SNX29: variants seen among roughly 807,000 people sequenced by gnomAD.
SNX29 encodes the protein sorting nexin 29.
SNX29 carries 78 observed loss-of-function variants against 102.1 expected under a neutral mutation model. The observed-to-expected ratio is 0.76, with a 90% confidence interval of 0.64 to 0.92. SNX29 has a LOEUF of 0.92. Ranked by LOEUF, SNX29 falls within the 40% of genes least tolerant of loss-of-function variation. The pLI is 0.00. For synonymous variants in SNX29, 580 were observed against 414.5 expected (o/e 1.40, Z -4.85); for missense variants, 1,280 against 1,061.7 (o/e 1.21, Z -2.86).
chr16:12,557,344 G>C (rs1039478023), intron 20 of SNX29: 3 of 148,630 alleles, frequency 2.0e-5, no homozygotes, highest in African/African-American at 7.3e-5. Flanking sequence ...AAGAACCTCA[G>C]AAGAGGGTGG....
intron 14 of SNX29, among the ~76,000 whole-genome samples, chr16:12,202,613 G>T (rs146242768): frequency 1.3e-5 from 2 of 152,188 alleles, no homozygotes; most frequent in Non-Finnish European, 2.9e-5. Context: ...AATGGCGTTG[G>T]ACACCCTTTC....
At chr16:12,146,239 GGGATCT>G in intron 13 of SNX29, among the ~76,000 whole-genome samples, 1 of 151,970 alleles carries the variant, frequency 6.6e-6, no homozygotes, top group Non-Finnish European at 1.5e-5. Context: ...TTCCCCAAGT[GGGATCT>G]CAGGGCAAAG....
intron 3 of SNX29, among the ~76,000 whole-genome samples, chr16:12,009,610 A>G (rs944679746): frequency 1.3e-5 from 2 of 151,960 alleles, no homozygotes; most frequent in African/African-American, 4.8e-5. Context: ...CTTCAGATGG[A>G]GTCCTGAGAA....
At chr16:12,359,355 G>T (rs1033668491) in intron 16 of SNX29, among the ~76,000 whole-genome samples, 1 of 152,174 alleles carries the variant, frequency 6.6e-6, no homozygotes, top group African/African-American at 2.4e-5. Context: ...CTTTTTGCAT[G>T]AGATGGGTTT....
chr16:12,036,873 T>G (rs764554914), intron 4 of SNX29, among the ~76,000 whole-genome samples: 1 of 152,020 alleles, frequency 6.6e-6, no homozygotes, highest in Non-Finnish European at 1.5e-5. Context: ...TTAGATTGAT[T>G]TAAGAAAAAA....
intron 20 of SNX29, among the ~76,000 whole-genome samples, chr16:12,562,705 G>T (rs992921734): frequency 3.3e-5 from 5 of 152,188 alleles, no homozygotes; most frequent in African/African-American, 1.2e-4. Context: ...AGTCGAGATT[G>T]AAGCCTACCG....
At chr16:12,452,471 G>A (rs1597428803) in intron 18 of SNX29, among the ~76,000 whole-genome samples, 1 of 99,132 alleles carries the variant, frequency 1.0e-5, no homozygotes, top group Admixed American at 1.0e-4. Flanking sequence ...GATGCCCACC[G>A]CTGAGTACAC....
At chr16:12,230,376 A>G (rs1203536002) in intron 14 of SNX29, among the ~76,000 whole-genome samples, 1 of 152,182 alleles carries the variant, frequency 6.6e-6, no homozygotes, top group Admixed American at 6.5e-5. Flanking sequence ...TTCATTAGCA[A>G]CCCATCTGCT....
At chr16:12,394,441 T>A (rs1009004868) in intron 16 of SNX29, among the ~76,000 whole-genome samples, 1 of 152,226 alleles carries the variant, frequency 6.6e-6, no homozygotes, top group African/African-American at 2.4e-5. Context: ...AAGTTACTTT[T>A]ATGGATTATA....
chr16:12,390,360 T>A (rs527365869), intron 16 of SNX29, among the ~76,000 whole-genome samples: 1 of 152,212 alleles, frequency 6.6e-6, no homozygotes, highest in East Asian at 1.9e-4. Context: ...CCCTTATGCT[T>A]CAGGCTCCTC....
In SNX29 at chr16:12,486,413, C is replaced by G. The variant is rs560596601; in HGVS notation, c.2178+8554C>G. Among the ~76,000 whole-genome samples, 8 of 151,374 alleles carry G rather than the reference C, an allele frequency of 5.3e-5. No homozygotes were observed. In the South Asian group the frequency reaches 1.7e-3, roughly 32 times the overall value. ...GAGAGGGTGGGCCTCATCCTGCCTACCGTACACCTCTTCTTCCTTCTTCCT... is the reference window on the plus strand; with the variant it reads ...GAGAGGGTGGGCCTCATCCTGCCTAGCGTACACCTCTTCTTCCTTCTTCCT... On this transcript the variant is annotated intron_variant, in intron 19 of 20. Transcript: ENST00000566228.
intron 3 of SNX29, among the ~76,000 whole-genome samples, chr16:12,005,392 T>C (rs2056420503): frequency 6.6e-6 from 1 of 152,166 alleles, no homozygotes; most frequent in South Asian, 2.1e-4. Flanking sequence ...TGTGTGTGTA[T>C]GCCTGAAGCC....
At chr16:12,275,881 G>GTTTTTTTTTTTTTTTTTTTTT in intron 14 of SNX29, among the ~76,000 whole-genome samples, 1 of 104,132 alleles carries the variant, frequency 9.6e-6, no homozygotes, top group Non-Finnish European at 1.9e-5. Context: ...CATTTTAATT[G>GTTTTTTTTTTTTTTTTTTTTT]TTTTTTTTTT....
At chr16:12,313,552 C>A (rs927599604) in intron 15 of SNX29, among the ~76,000 whole-genome samples, 10 of 152,204 alleles carry the variant, frequency 6.6e-5, no homozygotes, top group Admixed American at 5.2e-4. Context: ...GGGCAGCCTC[C>A]GTCAGCCCTC....
intron 14 of SNX29, among the ~76,000 whole-genome samples, chr16:12,203,937 G>A (rs979097941): frequency 2.0e-5 from 3 of 152,156 alleles, no homozygotes; most frequent in Non-Finnish European, 4.4e-5. Context: ...CTTGACCAGC[G>A]TCCTCCCTCA....
chr16:12,273,483 C>G (rs528769313), intron 14 of SNX29, among the ~76,000 whole-genome samples: 1 of 151,792 alleles, frequency 6.6e-6, no homozygotes, highest in Non-Finnish European at 1.5e-5. Context: ...CTCAGCCTCC[C>G]GAGTAGTTGG....
chr16:12,536,382 T>G (rs917931755), intron 20 of SNX29, among the ~76,000 whole-genome samples: 3 of 151,786 alleles, frequency 2.0e-5, no homozygotes, highest in Non-Finnish European at 2.9e-5. Context: ...GTTTATGACT[T>G]TCACATTAAA....
At chr16:12,325,591 A>G (rs185432756) in intron 15 of SNX29, among the ~76,000 whole-genome samples, 1 of 152,216 alleles carries the variant, frequency 6.6e-6, no homozygotes, top group African/African-American at 2.4e-5. Context: ...GATAAAATGC[A>G]TTAATTAAAT....
At chr16:12,248,830 A>C (rs183767439) in intron 14 of SNX29, among the ~76,000 whole-genome samples, 3 of 151,850 alleles carry the variant, frequency 2.0e-5, no homozygotes, top group Admixed American at 1.3e-4. Flanking sequence ...AAATGCATTC[A>C]TCTTTTGGTC....
Sources: gnomAD v4.1 joint callset for allele counts (sites outside exome capture counted in the v4.1 genomes callset) on GRCh38, gnomAD v4.1.1 for gene constraint, MANE v1.5 for transcripts, NCBI Gene and HGNC (gene_info 2026-07-23, HGNC 2026-07-21) for gene names.